The following PPP1CC variants were observed in gnomAD, a reference collection of about 807,000 sequenced individuals.
PPP1CC encodes the protein serine/threonine-protein phosphatase PP1-gamma catalytic subunit.
PPP1CC carries 16 observed loss-of-function variants against 38.4 expected under a neutral mutation model. The ratio of observed to expected loss-of-function variants is 0.42; its 90% CI spans 0.28 to 0.63. The LOEUF is 0.63. Among genes scored for constraint, PPP1CC ranks in the 30% least tolerant of loss-of-function variants. The pLI is 0.25. For synonymous variants in PPP1CC, 158 were observed against 136.0 expected (o/e 1.16, Z -1.13); for missense variants, 170 against 391.3 (o/e 0.43, Z 4.77).
downstream of PPP1CC, among the ~76,000 whole-genome samples, chr12:110,715,263 G>C (rs536175993): frequency 2.6e-5 from 4 of 152,252 alleles, no homozygotes; most frequent in African/African-American, 7.2e-5. Flanking sequence ...GGTGGTCATA[G>C]CTAAATATCG....
the PPP1CC span, among the ~76,000 whole-genome samples, chr12:110,710,236 C>T: frequency 1.3e-5 from 2 of 151,916 alleles, no homozygotes; most frequent in Admixed American, 6.6e-5. Flanking sequence ...CAAAGATAAC[C>T]TCTAATATTA....
Position 110,728,015 on chromosome 12 carries a change from G to A in PPP1CC, c.418+2514C>T, listed in dbSNP as rs74893960. Among the ~76,000 whole-genome samples the A allele has an allele frequency of 9.1e-3, 1,384 of 152,226 alleles. 28 individuals carry two copies. Among genetic ancestry groups the A allele is most frequent in the African/African-American group, 0.032 (1,325 of 41,526 alleles). ...CCAGTATCATTACATTAGGATACAC[G>A]TCACAAAAATGAGGTCAACTGGATT... is the stretch of plus-strand genomic sequence containing the variant. On this transcript the variant is annotated intron_variant, in intron 3 of 6. Transcript: ENST00000335007.
In PPP1CC at chr12:110,722,348, C is replaced by T; in HGVS notation, c.748-79G>A. ...ACCATGTTTCAGTTTCCCATTGAGC[C>T]TGATATCTTGTGTTCCAGAAACACT... is the stretch of plus-strand genomic sequence containing the variant. On this transcript the variant is annotated intron_variant, in intron 5 of 6. Coordinates refer to ENST00000335007, the MANE Select transcript of PPP1CC (RefSeq NM_002710.4). The surrounding 1 kb of genome is among the most constrained non-coding windows in gnomAD (Gnocchi z 5.4). 1 of 1,573,446 alleles carries T rather than the reference C, an allele frequency of 6.4e-7. No homozygotes were observed. The highest frequency in any genetic ancestry group is 8.7e-7 in the Non-Finnish European group (1 of 1,149,278).
At chr12:110,718,296 G>C (rs2069703257), downstream of PPP1CC, among the ~76,000 whole-genome samples, 1 of 152,164 alleles carries the variant, frequency 6.6e-6, no homozygotes, top group South Asian at 2.1e-4. Context: ...GAGCGACTAA[G>C]GATGCCTAGC....
intron 1 of PPP1CC, chr12:110,732,395 C>CAAAAA (rs35138959): frequency 7.2e-6 from 1 of 139,408 alleles, no homozygotes. Context: ...GACTCCGTCT[C>CAAAAA]AAAAAAAAAA....
At chr12:110,716,186 GCTTT>G (rs1485375531), downstream of PPP1CC, among the ~76,000 whole-genome samples, 3 of 152,134 alleles carry the variant, frequency 2.0e-5, no homozygotes, top group African/African-American at 4.8e-5. Flanking sequence ...GCCTCAGGAT[GCTTT>G]CTGAGATGCA....
chr12:110,742,579 C>G (rs1244547169), intron 1 of PPP1CC, 74 bp downstream of exon 1: 11 of 1,284,550 alleles, frequency 8.6e-6, no homozygotes, highest in Non-Finnish European at 1.1e-5. Flanking sequence ...CCCAACTCCC[C>G]TCCCTCGAGC....
At chr12:110,721,831 A>C in intron 6 of PPP1CC, 1 of 416,288 alleles carries the variant, frequency 2.4e-6, no homozygotes, top group Non-Finnish European at 4.2e-6. Flanking sequence ...GTGGTGATTT[A>C]ATTTTAGCTG....
chr12:110,741,801 A>G (rs1316372762), intron 1 of PPP1CC, among the ~76,000 whole-genome samples: 2 of 152,248 alleles, frequency 1.3e-5, no homozygotes, highest in Non-Finnish European at 2.9e-5. Flanking sequence ...ACAAAAACAA[A>G]AAAAATTGCA....
the PPP1CC span, among the ~76,000 whole-genome samples, chr12:110,714,216 C>T: frequency 2.0e-5 from 3 of 152,098 alleles, no homozygotes; most frequent in Non-Finnish European, 4.4e-5. Context: ...CCAAAATGTG[C>T]ACCCAATGAG....
At chr12:110,736,460 A>G (rs2069945613) in intron 1 of PPP1CC, among the ~76,000 whole-genome samples, 1 of 152,136 alleles carries the variant, frequency 6.6e-6, no homozygotes, top group Admixed American at 6.5e-5. Flanking sequence ...CCTGGGCAAC[A>G]TGGTGAAATT....
At position 110,720,324 on chromosome 12, in the gene PPP1CC, GT is replaced by G; in HGVS notation, c.*751del. On this transcript the variant is annotated 3_prime_UTR_variant, in exon 7 of 7. Transcript: ENST00000335007. ...AATTGCTATTCAAAATCAAAAACCTGTTTTTGAATCCCCAAGAAGGCAGCAT... is the reference window on the plus strand; with the variant it reads ...AATTGCTATTCAAAATCAAAAACCTGTTTTGAATCCCCAAGAAGGCAGCAT... 4.8e-6 allele frequency: 4 copies of G among 838,862 alleles called. No individual in the cohort carries two copies. Among genetic ancestry groups the G allele is most frequent in the Non-Finnish European group, 3.7e-6 (2 of 538,432 alleles). The allele number at this position is 838,862 out of a possible 1,614,324, so 52.0% of individuals were successfully genotyped here.
chr12:110,737,384 G>A (rs1003974450), intron 1 of PPP1CC, among the ~76,000 whole-genome samples: 1 of 148,686 alleles, frequency 6.7e-6, no homozygotes, highest in Non-Finnish European at 1.5e-5. Flanking sequence ...AACTGAGGCT[G>A]AGGCAGGAGA....
At chr12:110,709,774 T>C in the PPP1CC span, among the ~76,000 whole-genome samples, 1 of 151,664 alleles carries the variant, frequency 6.6e-6, no homozygotes, top group African/African-American at 2.4e-5. Flanking sequence ...CTTGAACTCC[T>C]GACCTCAAGT....
In PPP1CC at chr12:110,722,294, T is replaced by C. The variant is rs975996452; in HGVS notation, c.748-25A>G. ...CCTTGAAGAGAAAATTTTTTCAATATAAATAGGTGCAAATATTAGGTGAGT... is the reference window on the plus strand; with the variant it reads ...CCTTGAAGAGAAAATTTTTTCAATACAAATAGGTGCAAATATTAGGTGAGT... On this transcript the variant is annotated intron_variant, in intron 5 of 6. Transcript: ENST00000335007. The surrounding 1 kb of genome is among the most constrained non-coding windows in gnomAD (Gnocchi z 5.4). 1 of 1,610,238 alleles carries C rather than the reference T, an allele frequency of 6.2e-7. No individual in the cohort carries two copies. Among genetic ancestry groups the C allele is most frequent in the Admixed American group, 1.7e-5 (1 of 59,736 alleles).
chr12:110,732,147 T>A, intron 1 of PPP1CC: 1 of 555,970 alleles, frequency 1.8e-6, no homozygotes, highest in Non-Finnish European at 3.2e-6. Context: ...ATCCTGTCTG[T>A]GCGAATGCTG....
At position 110,720,438 on chromosome 12, in the gene PPP1CC, T is replaced by C; in HGVS notation, c.*638A>G. ...TGGCTTTAGGAAAGAGTCACAAATATTTAAAAGAATGGCTTTGTCATTTTA... is the reference window on the plus strand; with the variant it reads ...TGGCTTTAGGAAAGAGTCACAAATACTTAAAAGAATGGCTTTGTCATTTTA... On this transcript the variant is annotated 3_prime_UTR_variant, in exon 7 of 7. Transcript: ENST00000335007. 2 of 475,502 alleles carry C rather than the reference T, an allele frequency of 4.2e-6. No individual in the cohort carries two copies. The highest frequency in any genetic ancestry group is 6.4e-5 in the South Asian group (2 of 31,196). The allele number at this position is 475,502 out of a possible 1,614,324, so 29.5% of individuals were successfully genotyped here.
chr12:110,710,157 A>C, the PPP1CC span, among the ~76,000 whole-genome samples: 133 of 152,080 alleles, frequency 8.7e-4, no homozygotes, highest in African/African-American at 2.5e-3. Context: ...AAGATGTTAA[A>C]GTGAAATGAA....
chr12:110,740,361 G>T (rs1593587851), intron 1 of PPP1CC, among the ~76,000 whole-genome samples: 1 of 152,182 alleles, frequency 6.6e-6, no homozygotes, highest in East Asian at 1.9e-4. Context: ...CGAGGTGCGA[G>T]GACTGCTTGA....
Sources: gnomAD v4.1 joint callset for allele counts (sites outside exome capture counted in the v4.1 genomes callset) on GRCh38, gnomAD v4.1.1 for gene constraint, Gnocchi (gnomAD v3.1) non-coding constraint, MANE v1.5 for transcripts, NCBI Gene and HGNC (gene_info 2026-07-23, HGNC 2026-07-21) for gene names.